KLHDC4: variants seen among roughly 807,000 people sequenced by gnomAD.
The protein encoded by KLHDC4 is kelch domain containing 4.
Under a neutral mutation model 62.4 loss-of-function variants are expected in KLHDC4, and 90 were observed. The ratio of observed to expected loss-of-function variants is 1.44; its 90% CI spans 1.22 to 1.72. KLHDC4 has a LOEUF of 1.72. KLHDC4 is among the 40% of genes most tolerant of loss of function. The pLI is 0.00. For synonymous variants in KLHDC4, 386 were observed against 284.4 expected, an observed-to-expected ratio of 1.36 and a Z score of -3.59; for missense variants, 1,025 against 699.7, an observed-to-expected ratio of 1.47 and a Z score of -5.25.
intron 7 of KLHDC4, 63 bp from the exon 8 acceptor site, chr16:87,714,636 C>T: frequency 1.9e-6 from 3 of 1,568,990 alleles, no homozygotes; most frequent in Non-Finnish European, 2.6e-6. Context: ...ACAGACCCCC[C>T]AACCCTGTGG....
chr16:87,721,657 C>T (rs1316484349), intron 7 of KLHDC4, among the ~76,000 whole-genome samples: 1 of 152,238 alleles, frequency 6.6e-6, no homozygotes, highest in African/African-American at 2.4e-5. Flanking sequence ...CTCGCAACAA[C>T]TCTGTCTGCT....
intron 7 of KLHDC4, among the ~76,000 whole-genome samples, chr16:87,721,939 G>A (rs889450654): frequency 1.3e-5 from 2 of 152,038 alleles, no homozygotes; most frequent in Admixed American, 6.6e-5. Context: ...ACCTTCCACC[G>A]TCGCGCCCCC....
At chr16:87,759,136 C>T (rs545292251) in intron 2 of KLHDC4, among the ~76,000 whole-genome samples, 30 of 152,284 alleles carry the variant, frequency 2.0e-4, no homozygotes, top group African/African-American at 7.2e-4. Flanking sequence ...CATACCATTG[C>T]ACTCCAGCCT....
At chr16:87,712,572 T>A (rs767986873) in intron 8 of KLHDC4, among the ~76,000 whole-genome samples, 22 of 152,218 alleles carry the variant, frequency 1.4e-4, no homozygotes, top group Non-Finnish European at 3.1e-4. Flanking sequence ...CAGTCCAGCA[T>A]CCAGGTTCAA....
downstream of KLHDC4, among the ~76,000 whole-genome samples, chr16:87,706,898 C>T (rs1031922790): frequency 3.3e-5 from 5 of 152,224 alleles, no homozygotes; most frequent in African/African-American, 9.6e-5. Context: ...AGGGGCTCGC[C>T]ACCAAGTCAG....
intron 9 of KLHDC4, 168 bp downstream of exon 9, chr16:87,711,067 C>T (rs967105192): frequency 1.2e-5 from 8 of 645,320 alleles, no homozygotes; most frequent in Non-Finnish European, 2.1e-5. Context: ...CAAGGGCTCT[C>T]CAAGCCTAGT....
intron 4 of KLHDC4, among the ~76,000 whole-genome samples, chr16:87,753,556 T>G (rs1026186345): frequency 2.0e-5 from 3 of 151,962 alleles, no homozygotes; most frequent in Admixed American, 2.0e-4. Context: ...TCTCAGCACT[T>G]TGGGAGGCCG....
At chr16:87,738,280 C>G (rs542035048) in intron 5 of KLHDC4, among the ~76,000 whole-genome samples, 1 of 152,274 alleles carries the variant, frequency 6.6e-6, no homozygotes, top group South Asian at 2.1e-4. Flanking sequence ...TCAGATGCAG[C>G]TTTAGCTGAG....
rs2042113836 is a variant in KLHDC4 at position 87,740,749 on chromosome 16, C to T, written c.506+7924G>A. On this transcript the variant is annotated intron_variant, in intron 5 of 11. Transcript: ENST00000270583. Reference sequence around the variant, plus strand: ...CAACCCCCTCCTCTTCCCAGCCCTTCCCACGCCCTCCATAATTAACACCAC... The same window carrying T: ...CAACCCCCTCCTCTTCCCAGCCCTTTCCACGCCCTCCATAATTAACACCAC... 5 of 152,356 alleles carry T rather than the reference C, an allele frequency of 3.3e-5. No individual in the cohort carries two copies. The East Asian group carries it at 9.6e-4, about 29-fold the overall frequency. 9.4% of individuals were successfully genotyped at this position (152,356 alleles called of 1,614,324 possible).
chr16:87,757,117 C>T (rs2045079117), intron 2 of KLHDC4, among the ~76,000 whole-genome samples: 1 of 151,836 alleles, frequency 6.6e-6, no homozygotes, highest in South Asian at 2.1e-4. Context: ...GCCTGGACCT[C>T]AGAACTGTCC....
exon 1 of KLHDC4, chr16:87,698,627 G>C (rs565196436): frequency 2.0e-5 from 3 of 152,378 alleles, no homozygotes; most frequent in African/African-American, 7.2e-5. Flanking sequence ...CGAGGGCAGA[G>C]GGCAAAGCCA....
At chr16:87,746,999 G>A (rs1405198361) in intron 5 of KLHDC4, among the ~76,000 whole-genome samples, 1 of 152,246 alleles carries the variant, frequency 6.6e-6, no homozygotes, top group Non-Finnish European at 1.5e-5. Flanking sequence ...GGTAGGGGCT[G>A]CCATCCGCAG....
In KLHDC4 at chr16:87,761,074, T is replaced by A. The variant is rs564505654; in HGVS notation, c.191+875A>T. ...GTACATTTACCACATGTAACTTACA[T>A]TTGGCCCTGAGGGCAACATGCAAAC... On this transcript the variant is annotated intron_variant, in intron 2 of 11. Coordinates refer to ENST00000270583, the MANE Select transcript of KLHDC4 (RefSeq NM_017566.4). Among the ~76,000 whole-genome samples, 17 of 152,288 alleles carry A rather than the reference T, an allele frequency of 1.1e-4. 1 individual carries two copies. In the South Asian group the frequency reaches 1.5e-3, roughly 13 times the overall value.
At chr16:87,755,367 T>C (rs761627643) in intron 3 of KLHDC4, 75 bp from the exon 4 acceptor site, 13 of 801,340 alleles carry the variant, frequency 1.6e-5, no homozygotes, top group Non-Finnish European at 2.7e-5. Flanking sequence ...ATCTTAATCA[T>C]GACAATTCCC....
intron 5 of KLHDC4, among the ~76,000 whole-genome samples, chr16:87,735,269 C>G (rs921763043): frequency 3.4e-5 from 5 of 148,172 alleles, no homozygotes; most frequent in Non-Finnish European, 3.0e-5. Flanking sequence ...CACTGCACTC[C>G]AGCCTGGGCA....
At chr16:87,739,865 C>G (rs1023082678) in intron 5 of KLHDC4, 3 of 152,218 alleles carry the variant, frequency 2.0e-5, no homozygotes, top group African/African-American at 7.2e-5. Flanking sequence ...GACGGTTTTT[C>G]TTTCTGGGGG....
At chr16:87,702,896 T>C (rs1015016112), downstream of KLHDC4, 4 of 152,630 alleles carry the variant, frequency 2.6e-5, no homozygotes, top group African/African-American at 7.2e-5. Flanking sequence ...GAGCCTTTTT[T>C]CTTTGCTTTT....
chr16:87,710,989 G>A (rs2035692073), intron 9 of KLHDC4: 2 of 520,982 alleles, frequency 3.8e-6, no homozygotes, highest in Non-Finnish European at 6.9e-6. Context: ...GGGCACCTCA[G>A]CCCAGGGCAA....
Position 87,730,631 on chromosome 16 carries a change from G to A in KLHDC4, c.520C>T (p.Pro174Ser), listed in dbSNP as rs1272592777. The A allele has an allele frequency of 3.1e-6, 5 of 1,612,528 alleles. No homozygotes were observed. The highest frequency in any genetic ancestry group is 3.4e-6 in the Non-Finnish European group (4 of 1,179,618). The stretch of plus-strand genomic sequence containing the variant: ...ATCCGATGTCCACTCCGACCCGAAG[G>A]ACCGCCTGTTGATCTAAAATGAAAT... ...TWEQVKSTGG[P>S]SGRSGHRMVA... Residue 174 changes from proline to serine, a missense_variant, in exon 6 of 12, where the codon CCT becomes TCT. Pro to Ser is a moderately conservative substitution (Grantham distance 74). Transcript: ENST00000270583.
Sources: gnomAD v4.1 joint callset for allele counts (sites outside exome capture counted in the v4.1 genomes callset) on GRCh38, gnomAD v4.1.1 for gene constraint, MANE v1.5 for transcripts, NCBI Gene and HGNC (gene_info 2026-07-23, HGNC 2026-07-21) for gene names.